TLN1: variants seen among roughly 807,000 people sequenced by gnomAD.
TLN1 encodes the protein talin 1.
Under a neutral mutation model 292.3 loss-of-function variants are expected in TLN1, and 56 were observed. The observed-to-expected ratio is 0.19, with a 90% CI of 0.15 to 0.24. TLN1 has a LOEUF of 0.24. TLN1 is among the 10% of genes least tolerant of loss of function. The pLI is 1.00. For missense variants in TLN1, 2,433 were observed against 3,248.2 expected, an observed-to-expected ratio of 0.75 and a Z score of 6.10; for synonymous variants, 1,119 against 1,253.7, an observed-to-expected ratio of 0.89 and a Z score of 2.27.
chr9:35,725,125 G>A (rs1046260492), intron 3 of TLN1, 99 bp downstream of exon 3: 2 of 1,528,896 alleles, frequency 1.3e-6, no homozygotes, highest in Non-Finnish European at 1.8e-6. Context: ...AGCATGGGGA[G>A]GGCTAAGAGA....
At chr9:35,708,670 C>T (rs2131888895) in intron 33 of TLN1, among the ~76,000 whole-genome samples, 186 bp from the exon 34 acceptor site, 1 of 152,282 alleles carries the variant, frequency 6.6e-6, no homozygotes, top group Non-Finnish European at 1.5e-5. Context: ...AAATACTCTC[C>T]TGTTTTCATT....
intron 7 of TLN1, 180 bp from the exon 8 acceptor site, chr9:35,723,101 C>T (rs1825905306): frequency 3.9e-6 from 2 of 514,034 alleles, no homozygotes. Context: ...TTCGTGTAAA[C>T]TCTTCTTTTT....
In TLN1 at chr9:35,717,467, G is replaced by A. The variant is rs572050664; in HGVS notation, c.2164-27C>T. 1.3e-5 allele frequency: 21 copies of A among 1,602,490 alleles called. No individual in the cohort carries two copies. The African/African-American group carries it at 1.6e-4, about 12-fold the overall frequency. On this transcript the variant is annotated intron_variant, in intron 18 of 56. Transcript: ENST00000314888. This position sits in a 1 kb window ranked among gnomAD's most constrained non-coding sequence, Gnocchi z 4.7. ...TGTAGGTAAAGTGAATGTCAGAGAC[G>A]TAGGCAAGGGAAAGGAGGTAGAGTA...
At position 35,714,296 on chromosome 9, in the gene TLN1, A is replaced by G; in HGVS notation, c.3063T>C (p.Ser1021=). 6.2e-7 allele frequency: 1 copy of G among 1,613,892 alleles called. No individual in the cohort carries two copies. Among genetic ancestry groups the G allele is most frequent in the Non-Finnish European group, 8.5e-7 (1 of 1,179,808 alleles). ...CGGTGCCCAGGTTCTTGGCACACTGACTCAGCTGCATGGCTGAAGCCTGGT... is the reference window on the plus strand; with the variant it reads ...CGGTGCCCAGGTTCTTGGCACACTGGCTCAGCTGCATGGCTGAAGCCTGGT... ...IQDQASAMQL[S]QCAKNLGTAL... is the part of the protein sequence containing the mutation. Residue 1021 remains serine, a synonymous_variant, in exon 24 of 57, where the codon AGT becomes AGC. Transcript: ENST00000314888. This position sits in a 1 kb window ranked among gnomAD's most constrained non-coding sequence, Gnocchi z 4.6.
rs190970560 is a variant in TLN1, at chr9:35,712,970, C to A, written c.3426G>T (p.Thr1142=). 1.9e-6 allele frequency: 3 copies of A among 1,610,510 alleles called. No individual in the cohort carries two copies. The South Asian group carries it at 3.3e-5, about 18-fold the overall frequency. ...CAATGGCCTGCACTGCAGGATCTGA[C>A]GTCAGTGCAGCGACTCCCCTAGCGG... is the stretch of plus-strand genomic sequence containing the variant. ...AQAARGVAAL[T]SDPAVQAIVL... Residue 1142 remains threonine, a synonymous_variant, in exon 27 of 57, where the codon ACG becomes ACT. Coordinates refer to ENST00000314888, the MANE Select transcript of TLN1 (RefSeq NM_006289.4).
At position 35,720,093 on chromosome 9, in the gene TLN1, A is replaced by T. The variant is rs1232608440; in HGVS notation, c.1410T>A (p.Pro470=). The T allele has an allele frequency of 6.2e-7, 1 of 1,609,676 alleles. No homozygotes were observed. Among genetic ancestry groups the T allele is most frequent in the Admixed American group, 1.7e-5 (1 of 59,190 alleles). The change falls in exon 13 of 57, where the codon CCT becomes CCA. Residue 470 remains proline, a synonymous_variant. Coordinates refer to ENST00000314888, the MANE Select transcript of TLN1 (RefSeq NM_006289.4). The part of the protein sequence containing the change: ...PENFQVGSMP[P]AQQQITSGQM... ...GGCCGCTGGTAATCTGCTGCTGGGC[A>T]GGGGGCATGCTGCCCACCTGGAAAT...
intron 10 of TLN1, among the ~76,000 whole-genome samples, chr9:35,721,324 T>A (rs1454027732): frequency 6.6e-6 from 1 of 152,196 alleles, no homozygotes; most frequent in Non-Finnish European, 1.5e-5. Flanking sequence ...CATAACCCTA[T>A]AATATAAAGT....
chr9:35,702,123 A>G (rs544369951), intron 48 of TLN1, among the ~76,000 whole-genome samples: 1 of 152,288 alleles, frequency 6.6e-6, no homozygotes, highest in South Asian at 2.1e-4. Context: ...GGAGGAATGA[A>G]AGGACGTGGC....
rs757776168 is a variant in TLN1 at position 35,712,861 on chromosome 9, G to A, written c.3535C>T (p.Pro1179Ser). ...AKKAAGHPGD[P>S]ESQQRLAQVA... ...TGGGCAAGCCGCTGCTGGCTCTCAG[G>A]GTCCCCTGGATGGCCAGCTGCCTTT... Residue 1179 changes from proline to serine, a missense_variant, in exon 27 of 57, where the codon CCT becomes TCT. By Grantham distance (74) the Pro-to-Ser change is moderately conservative (BLOSUM62 -1). Around this residue, in one of 7 missense-constraint regions of TLN1, gnomAD observed 1,384 missense variants for 1,699.6 expected, o/e 0.81. Transcript: ENST00000314888. 3 of 1,590,180 alleles carry A rather than the reference G, an allele frequency of 1.9e-6. No homozygotes were observed. Among genetic ancestry groups the A allele is most frequent in the Non-Finnish European group, 2.6e-6 (3 of 1,167,178 alleles).
At chr9:35,716,760 G>A (rs946421850) in intron 19 of TLN1, among the ~76,000 whole-genome samples, 4 of 152,126 alleles carry the variant, frequency 2.6e-5, no homozygotes, top group Non-Finnish European at 5.9e-5. Context: ...TTCTCCAGTG[G>A]GTTCTTACGG....
chr9:35,714,785 TG>T lies in TLN1; in HGVS notation c.2845del (p.Gln949SerfsTer72). 3 of 1,588,374 alleles carry T rather than the reference TG, an allele frequency of 1.9e-6. No individual in the cohort carries two copies. Among genetic ancestry groups the T allele is most frequent in the Non-Finnish European group, 1.7e-6 (2 of 1,166,406 alleles). Reference protein sequence around the residue: ...ASTPKASAGPQPLLVQSCKAV... With the variant: ...ASTPKASAGPXPLLVQSCKAV... The stretch of plus-strand genomic sequence containing the variant: ...CTTGCAGCTCTGCACCAGCAGGGGC[TG>T]GGGGCCGGCAGAGGCCTTGGGGGTA... On this transcript the variant is annotated frameshift_variant, in exon 22 of 57. Transcript: ENST00000314888. LOFTEE classifies it high-confidence loss of function. This position sits in a 1 kb window ranked among gnomAD's most constrained non-coding sequence, Gnocchi z 4.6.
rs1825593425 is a variant in TLN1, at chr9:35,707,860, G to A, written c.4503C>T (p.His1501=). 1.2e-6 allele frequency: 2 copies of A among 1,614,036 alleles called. No homozygotes were observed. Among genetic ancestry groups the A allele is most frequent in the East Asian group, 2.2e-5 (1 of 44,874 alleles). The change falls in exon 35 of 57, where the codon CAC becomes CAT. Residue 1501 remains histidine, a synonymous_variant. Coordinates refer to ENST00000314888, the MANE Select transcript of TLN1 (RefSeq NM_006289.4). This position sits in a 1 kb window ranked among gnomAD's most constrained non-coding sequence, Gnocchi z 5.6. The part of the protein sequence containing the change: ...VLSAATIVAK[H]TSALCNSCRL... Reference sequence around the variant, plus strand: ...GACAGCTGTTACACAGTGCAGAGGTGTGTTTAGCCACAATGGTGGCTGCAG... The same window carrying A: ...GACAGCTGTTACACAGTGCAGAGGTATGTTTAGCCACAATGGTGGCTGCAG...
Position 35,699,623 on chromosome 9 carries a change from C to T in TLN1, c.6769-162G>A. 1.0e-6 allele frequency: 1 copy of T among 985,382 alleles called. No individual in the cohort carries two copies. Among genetic ancestry groups the T allele is most frequent in the Non-Finnish European group, 1.2e-6 (1 of 829,902 alleles). 61.0% of individuals were successfully genotyped at this position (985,382 alleles called of 1,614,324 possible). ...CTATCCAAGTACACATCATGCATCA[C>T]ACCTCACACGTGATAGAGACAGTGG... On this transcript the variant is annotated intron_variant, in intron 50 of 56. Coordinates refer to ENST00000314888, the MANE Select transcript of TLN1 (RefSeq NM_006289.4). This position sits in a 1 kb window ranked among gnomAD's most constrained non-coding sequence, Gnocchi z 4.0.
intron 56 of TLN1, 35 bp from the exon 57 acceptor site, chr9:35,697,951 G>A (rs1375510035): frequency 6.2e-7 from 1 of 1,613,972 alleles, no homozygotes. Context: ...GTTCAGTGAG[G>A]ATGCACAGCA....
In TLN1 at chr9:35,724,494, T is replaced by C. The variant is rs921355447; in HGVS notation, c.511+78A>G. 3.5e-5 allele frequency: 55 copies of C among 1,575,974 alleles called. No homozygotes were observed. In the African/African-American group the frequency reaches 7.1e-4, roughly 20 times the overall value. On this transcript the variant is annotated intron_variant, in intron 5 of 56. Coordinates refer to ENST00000314888, the MANE Select transcript of TLN1 (RefSeq NM_006289.4). The surrounding 1 kb of genome is among the most constrained non-coding windows in gnomAD (Gnocchi z 4.7). Reference sequence around the variant, plus strand: ...GATGTATCCCCAGGGTGTAAAACAGTGCCTGGCAGAAGCAGATGCTGAAGC... The same window carrying C: ...GATGTATCCCCAGGGTGTAAAACAGCGCCTGGCAGAAGCAGATGCTGAAGC...
chr9:35,713,232 G>A lies in TLN1; in HGVS notation c.3316C>T (p.Leu1106=). ...KAVSSAIAQL[L]GEVAQGNENY... ...TCATTGCCCTGGGCAACCTCTCCCA[G>A]TAGCTGGGCGATGGCTGAGCTCACG... Residue 1106 remains leucine (L), a synonymous_variant, in exon 26 of 57, where the codon CTG becomes TTG. Coordinates refer to ENST00000314888, the MANE Select transcript of TLN1 (RefSeq NM_006289.4). 1.3e-6 allele frequency: 2 copies of A among 1,598,298 alleles called. No individual in the cohort carries two copies. The highest frequency in any genetic ancestry group is 1.7e-6 in the Non-Finnish European group (2 of 1,166,758).
chr9:35,702,512 A>C lies in TLN1; in HGVS notation c.6474+1048T>G, dbSNP rs1230706311. Among the ~76,000 whole-genome samples the C allele has an allele frequency of 1.3e-5, 2 of 151,364 alleles. 1 individual carries two copies. The highest frequency in any genetic ancestry group is 2.9e-5 in the Non-Finnish European group (2 of 67,850). ...TTTTTTTCTTTTTTGTTTTTTTTTG[A>C]GATGGAGTCTCACTCTGTTGCCCAG... On this transcript the variant is annotated intron_variant, in intron 48 of 56. Transcript: ENST00000314888.
chr9:35,712,648 CAA>C (rs1282155556), intron 27 of TLN1, among the ~76,000 whole-genome samples, 185 bp downstream of exon 27: 24 of 72,182 alleles, frequency 3.3e-4, no homozygotes, highest in Admixed American at 9.2e-4. Context: ...AACTCTGTCT[CAA>C]AAAAAAAAAA....
rs1437593406 is a variant in TLN1, at chr9:35,714,128, C to T, written c.3121-47G>A. ...GGGTGTAGAAGGTCCTGCTGTGTCT[C>T]ACCAATGCCTCTGATTACACAATTA... is the stretch of plus-strand genomic sequence containing the variant. On this transcript the variant is annotated intron_variant, in intron 24 of 56. Coordinates refer to ENST00000314888, the MANE Select transcript of TLN1 (RefSeq NM_006289.4). This position sits in a 1 kb window ranked among gnomAD's most constrained non-coding sequence, Gnocchi z 4.6. The T allele has an allele frequency of 2.2e-5, 35 of 1,608,672 alleles. No individual in the cohort carries two copies. The highest frequency in any genetic ancestry group is 3.0e-5 in the Non-Finnish European group (35 of 1,175,676).
Sources: allele counts gnomAD v4.1 joint callset (sites outside exome capture counted in the v4.1 genomes callset), GRCh38; gene constraint gnomAD v4.1.1; regional missense constraint gnomAD v4.1.1; non-coding constraint Gnocchi (gnomAD v3.1); transcripts MANE v1.5; gene names NCBI Gene and HGNC (gene_info 2026-07-23, HGNC 2026-07-21).